The following ABHD12 variants were observed in gnomAD, a reference collection of about 807,000 sequenced individuals.
ABHD12 encodes the protein abhydrolase domain containing 12, lysophospholipase, also known as lysophosphatidylserine lipase ABHD12.
ABHD12 carries 43 observed loss-of-function variants against 58.3 expected under a neutral mutation model. The ratio of observed to expected loss-of-function variants is 0.74; its 90% CI spans 0.58 to 0.95. ABHD12 has a LOEUF of 0.95. ABHD12 is among the 40% of genes least tolerant of loss of function. The pLI is 0.00. For missense variants in ABHD12, 539 were observed against 537.2 expected (o/e 1.00, Z -0.03); for synonymous variants, 219 against 211.2 (o/e 1.04, Z -0.32).
chr20:25,341,316 A>T lies in ABHD12; in HGVS notation c.192-1965T>A, dbSNP rs138026814. ...ATCTGAGCTAGCTGGGCTACCAGGG[A>T]CAAGGCCATTGGACTGACACAGTAA... is the stretch of plus-strand genomic sequence containing the variant. On this transcript the variant is annotated intron_variant, in intron 1 of 12. Transcript: ENST00000339157. 8.5e-5 allele frequency among the ~76,000 whole-genome samples: 13 copies of T among 152,346 alleles called. No individual in the cohort carries two copies. In the East Asian group the frequency reaches 2.5e-3, roughly 29 times the overall value.
intron 1 of ABHD12, among the ~76,000 whole-genome samples, chr20:25,389,407 G>C (rs1259620169): frequency 1.3e-5 from 2 of 152,062 alleles, no homozygotes; most frequent in Non-Finnish European, 2.9e-5. Context: ...GGAGCGATAC[G>C]CATATTTTAC....
At chr20:25,301,908 G>A (rs1007725618) in intron 12 of ABHD12, among the ~76,000 whole-genome samples, 14 of 152,240 alleles carry the variant, frequency 9.2e-5, no homozygotes, top group African/African-American at 3.4e-4. Flanking sequence ...GCCTGCAAGT[G>A]GCTGGGGTGT....
chr20:25,330,246 C>G (rs947403705), intron 2 of ABHD12, among the ~76,000 whole-genome samples: 2 of 152,270 alleles, frequency 1.3e-5, no homozygotes, highest in African/African-American at 4.8e-5. Context: ...GAATACTGTG[C>G]TTTTCCGACT....
chr20:25,339,759 C>G, intron 1 of ABHD12: 1 of 1,306,834 alleles, frequency 7.7e-7, no homozygotes, highest in Non-Finnish European at 1.0e-6. Flanking sequence ...CAACTGCAGG[C>G]AGGCGTAGGT....
downstream of ABHD12, among the ~76,000 whole-genome samples, chr20:25,298,719 C>T (rs552117167): frequency 6.6e-5 from 10 of 152,356 alleles, no homozygotes; most frequent in South Asian, 2.1e-3. Flanking sequence ...ACCAAAGCAT[C>T]GCCCATCAAT....
intron 1 of ABHD12, among the ~76,000 whole-genome samples, chr20:25,362,752 A>G (rs974813556): frequency 1.3e-5 from 2 of 150,900 alleles, no homozygotes; most frequent in African/African-American, 4.9e-5. Context: ...TTGGCTCACC[A>G]CAACTTCCAA....
chr20:25,319,981 T>C (rs928593488), intron 4 of ABHD12, among the ~76,000 whole-genome samples: 3 of 152,248 alleles, frequency 2.0e-5, no homozygotes, highest in Non-Finnish European at 4.4e-5. Context: ...CCCTGCTTCA[T>C]GTAAACGTCA....
chr20:25,338,270 C>A (rs554755059), intron 2 of ABHD12, among the ~76,000 whole-genome samples: 1 of 152,234 alleles, frequency 6.6e-6, no homozygotes, highest in African/African-American at 2.4e-5. Flanking sequence ...ATATCAGGCC[C>A]AGCTTTCCAA....
intron 2 of ABHD12, among the ~76,000 whole-genome samples, chr20:25,324,142 G>A (rs2089132303): frequency 6.6e-6 from 1 of 152,222 alleles, no homozygotes; most frequent in Admixed American, 6.5e-5. Flanking sequence ...ACCTCACACT[G>A]TGGAAGACCA....
At chr20:25,355,848 C>A (rs1009411649) in intron 1 of ABHD12, among the ~76,000 whole-genome samples, 1 of 135,428 alleles carries the variant, frequency 7.4e-6, no homozygotes, top group Admixed American at 8.0e-5. Context: ...TGAGCCACTG[C>A]GCCCAGCCCA....
chr20:25,326,746 A>AAAC (rs35210969), intron 2 of ABHD12, among the ~76,000 whole-genome samples: 1 of 151,276 alleles, frequency 6.6e-6, no homozygotes, highest in Admixed American at 6.6e-5. Flanking sequence ...CTTCAAAAAA[A>AAAC]AACAACAACA....
intron 1 of ABHD12, among the ~76,000 whole-genome samples, chr20:25,349,679 A>C (rs2089572438): frequency 6.6e-6 from 1 of 152,236 alleles, no homozygotes; most frequent in African/African-American, 2.4e-5. Flanking sequence ...CATTTATGTG[A>C]TGTACCTAGA....
At chr20:25,386,915 A>C (rs2090098930) in intron 1 of ABHD12, among the ~76,000 whole-genome samples, 1 of 152,132 alleles carries the variant, frequency 6.6e-6, no homozygotes, top group South Asian at 2.1e-4. Context: ...GAATAAATAG[A>C]ATCTGGCTAT....
intron 6 of ABHD12, among the ~76,000 whole-genome samples, chr20:25,310,931 G>A (rs1416697894): frequency 6.6e-6 from 1 of 152,218 alleles, no homozygotes; most frequent in East Asian, 1.9e-4. Flanking sequence ...GAAGTGCGGG[G>A]AGATGAATGG....
At chr20:25,370,093 A>T (rs973895959) in intron 1 of ABHD12, among the ~76,000 whole-genome samples, 8 of 152,148 alleles carry the variant, frequency 5.3e-5, no homozygotes, top group African/African-American at 1.9e-4. Context: ...ATTCCTACTT[A>T]AATTGATTAC....
intron 1 of ABHD12, among the ~76,000 whole-genome samples, chr20:25,387,380 G>A (rs1031118442): frequency 2.6e-5 from 4 of 151,804 alleles, no homozygotes; most frequent in African/African-American, 9.7e-5. Flanking sequence ...GGCCAACATG[G>A]TGAAACCCCA....
intron 1 of ABHD12, among the ~76,000 whole-genome samples, chr20:25,386,740 G>T (rs969187807): frequency 1.3e-5 from 2 of 151,960 alleles, no homozygotes; most frequent in African/African-American, 2.4e-5. Context: ...AATTAGCCGG[G>T]CATGGTGGCA....
chr20:25,325,701 C>T (rs939383969), intron 2 of ABHD12, among the ~76,000 whole-genome samples: 3 of 152,144 alleles, frequency 2.0e-5, no homozygotes, highest in South Asian at 2.1e-4. Flanking sequence ...CTCAGACTCC[C>T]AGCCTCCACA....
Position 25,390,751 on chromosome 20 carries a change from C to T in ABHD12, c.-48G>A, listed in dbSNP as rs780627713. ...GCCGACGGCGCCCGCTGGCCTGCGC[C>T]GCAGTGCCGCCGCTCACAGCCGCCG... On this transcript the variant is annotated 5_prime_UTR_variant, in exon 1 of 13. Coordinates refer to ENST00000339157, the MANE Select transcript of ABHD12 (RefSeq NM_001042472.3). 1,726 of 1,217,702 alleles carry T rather than the reference C, an allele frequency of 1.4e-3. 25 individuals carry two copies. The African/African-American group carries it at 0.025, about 18-fold the overall frequency. 75.4% of individuals were successfully genotyped at this position (1,217,702 alleles called of 1,614,324 possible).
Sources: allele counts gnomAD v4.1 joint callset (sites outside exome capture counted in the v4.1 genomes callset), GRCh38; gene constraint gnomAD v4.1.1; transcripts MANE v1.5; gene names NCBI Gene and HGNC (gene_info 2026-07-23, HGNC 2026-07-21).